MAF: variants seen among roughly 807,000 people sequenced by gnomAD.
The protein encoded by MAF is MAF bZIP transcription factor, also known as transcription factor Maf.
MAF carries 10 observed loss-of-function variants against 22.0 expected under a neutral mutation model. The observed-to-expected ratio is 0.45, with a 90% CI of 0.28 to 0.77. The LOEUF is 0.77. Ranked by LOEUF, MAF falls within the 30% of genes least tolerant of loss-of-function variation. The pLI is 0.12. For synonymous variants in MAF, 337 were observed against 255.8 expected, an observed-to-expected ratio of 1.32 and a Z score of -3.03; for missense variants, 544 against 548.4, an observed-to-expected ratio of 0.99 and a Z score of 0.08.
the MAF span, among the ~76,000 whole-genome samples, chr16:79,424,112 A>T: frequency 6.6e-6 from 1 of 152,234 alleles, no homozygotes; most frequent in Non-Finnish European, 1.5e-5. Flanking sequence ...TAGTTTACAC[A>T]AACCACATGG....
the MAF span, among the ~76,000 whole-genome samples, chr16:79,480,027 G>T: frequency 6.6e-6 from 1 of 152,140 alleles, no homozygotes; most frequent in Non-Finnish European, 1.5e-5. Context: ...GGATTTCATA[G>T]ACACCCATTC....
the MAF span, among the ~76,000 whole-genome samples, chr16:79,253,599 C>A: frequency 0.81 from 123,099 of 151,926 alleles, 51,181 homozygotes; most frequent in African/African-American, 0.9. Flanking sequence ...GAGGGTGGGG[C>A]GTGGTCACAT....
At chr16:79,279,206 C>T in the MAF span, among the ~76,000 whole-genome samples, 26 of 152,200 alleles carry the variant, frequency 1.7e-4, 1 homozygote, top group African/African-American at 5.8e-4. Flanking sequence ...TCCCTCTCCA[C>T]CCCCTCATTC....
At chr16:79,326,525 T>A in the MAF span, among the ~76,000 whole-genome samples, 3 of 152,350 alleles carry the variant, frequency 2.0e-5, no homozygotes, top group East Asian at 5.8e-4. Context: ...GAGCACGACA[T>A]TAAATTTTCT....
the MAF span, among the ~76,000 whole-genome samples, chr16:79,450,911 T>C: frequency 3.4e-4 from 52 of 152,292 alleles, no homozygotes; most frequent in African/African-American, 1.2e-3. Context: ...AAAAACTCTA[T>C]TTATTACCAT....
At chr16:79,447,712 G>T in the MAF span, among the ~76,000 whole-genome samples, 5 of 151,834 alleles carry the variant, frequency 3.3e-5, no homozygotes, top group African/African-American at 9.7e-5. Flanking sequence ...TCTCATGAAC[G>T]ACTAAAGGGT....
chr16:79,520,193 C>T, the MAF span, among the ~76,000 whole-genome samples: 8 of 152,306 alleles, frequency 5.3e-5, no homozygotes, highest in African/African-American at 1.9e-4. Flanking sequence ...CTTCCAATGC[C>T]AGCTCTTCTT....
the MAF span, among the ~76,000 whole-genome samples, chr16:79,424,984 G>A: frequency 6.6e-6 from 1 of 151,826 alleles, no homozygotes; most frequent in Non-Finnish European, 1.5e-5. Context: ...CCCCTTGAAG[G>A]TATACTCTGA....
the MAF span, among the ~76,000 whole-genome samples, chr16:79,324,941 C>T: frequency 6.6e-6 from 1 of 152,122 alleles, no homozygotes; most frequent in Non-Finnish European, 1.5e-5. Context: ...CTGGTGGTTT[C>T]TGGCAATCAT....
chr16:79,593,534 C>T (rs533018937), downstream of MAF, among the ~76,000 whole-genome samples: 1 of 152,164 alleles, frequency 6.6e-6, no homozygotes, highest in African/African-American at 2.4e-5. Context: ...GCGTGAGCAT[C>T]CTGCATTCAG....
chr16:79,597,786 G>A, intron 1 of MAF: 4 of 1,013,838 alleles, frequency 3.9e-6, no homozygotes, highest in Non-Finnish European at 4.7e-6. Flanking sequence ...TACCATACAT[G>A]TCCAGCATGC....
the MAF span, among the ~76,000 whole-genome samples, chr16:79,538,871 A>AAAAGAAAG: frequency 0.017 from 1,789 of 104,268 alleles, 33 homozygotes; most frequent in East Asian, 0.073. Flanking sequence ...AAAAGAAAAG[A>AAAAGAAAG]AAAGAAAGAA....
the MAF span, among the ~76,000 whole-genome samples, chr16:79,451,131 G>A: frequency 3.3e-5 from 5 of 152,272 alleles, no homozygotes; most frequent in African/African-American, 1.2e-4. Flanking sequence ...AGGCAACTTT[G>A]CCCATAAAGA....
the MAF span, among the ~76,000 whole-genome samples, chr16:79,220,342 TA>T: frequency 1.3e-5 from 2 of 151,154 alleles, no homozygotes; most frequent in East Asian, 3.9e-4. Context: ...CATGTGCCCA[TA>T]GTCCCACCAC....
chr16:79,497,333 G>C, the MAF span, among the ~76,000 whole-genome samples: 1 of 152,120 alleles, frequency 6.6e-6, no homozygotes, highest in Admixed American at 6.5e-5. Context: ...TTTTTACCAG[G>C]ATGGATCAGA....
chr16:79,574,890 G>C, the MAF span, among the ~76,000 whole-genome samples: 1 of 152,116 alleles, frequency 6.6e-6, no homozygotes, highest in Non-Finnish European at 1.5e-5. Context: ...ATGCTGAGTT[G>C]TAAAACTCAG....
At chr16:79,513,111 G>C in the MAF span, among the ~76,000 whole-genome samples, 9 of 152,244 alleles carry the variant, frequency 5.9e-5, no homozygotes, top group African/African-American at 2.2e-4. Flanking sequence ...GTGCATGTGG[G>C]TGTGCAAGCT....
At chr16:79,507,318 G>T in the MAF span, among the ~76,000 whole-genome samples, 1 of 151,238 alleles carries the variant, frequency 6.6e-6, no homozygotes, top group Admixed American at 6.6e-5. Context: ...AGGTTTCATT[G>T]TGTCAGCGAG....
the MAF span, among the ~76,000 whole-genome samples, chr16:79,337,662 G>A: frequency 6.6e-6 from 1 of 152,180 alleles, no homozygotes; most frequent in Non-Finnish European, 1.5e-5. Context: ...TGTCAAACAT[G>A]ATTGTTAGGG....
Sources: allele counts gnomAD v4.1 joint callset (sites outside exome capture counted in the v4.1 genomes callset), GRCh38; gene constraint gnomAD v4.1.1; transcripts MANE v1.5; gene names NCBI Gene and HGNC (gene_info 2026-07-23, HGNC 2026-07-21).